The following TAFA4 variants were observed in gnomAD, a reference collection of about 807,000 sequenced individuals.
The protein encoded by TAFA4 is TAFA chemokine like family member 4.
A neutral mutation model predicts 21.1 loss-of-function variants in TAFA4; 20 were observed. The ratio of observed to expected loss-of-function variants is 0.95; its 90% CI spans 0.67 to 1.38. The LOEUF is 1.38. TAFA4 is among the 40% of genes most tolerant of loss of function. TAFA4 has a pLI of 0.00. For missense variants in TAFA4, 211 were observed against 180.9 expected (o/e 1.17, Z -0.95); for synonymous variants, 71 against 67.4 (o/e 1.05, Z -0.26).
chr3:68,790,880 C>A (rs79404207), intron 3 of TAFA4, among the ~76,000 whole-genome samples: 2 of 152,172 alleles, frequency 1.3e-5, no homozygotes, highest in South Asian at 2.1e-4. Context: ...CCTCAACATA[C>A]TTATTTCCTT....
At chr3:68,734,677 T>C (rs1363391838) in intron 5 of TAFA4, among the ~76,000 whole-genome samples, 1 of 152,026 alleles carries the variant, frequency 6.6e-6, no homozygotes, top group Non-Finnish European at 1.5e-5. Flanking sequence ...TGTGATGGGG[T>C]AGAGATTGTC....
intron 1 of TAFA4, among the ~76,000 whole-genome samples, chr3:68,908,196 A>G (rs191566617): frequency 1.3e-5 from 2 of 152,342 alleles, no homozygotes; most frequent in Admixed American, 1.3e-4. Context: ...CCATATCTAC[A>G]TCAATTTAGA....
chr3:68,879,455 C>G (rs1002470146), intron 3 of TAFA4, among the ~76,000 whole-genome samples: 1 of 152,138 alleles, frequency 6.6e-6, no homozygotes, highest in South Asian at 2.1e-4. Flanking sequence ...AAATGCTTCA[C>G]TTGTCAACTA....
chr3:68,758,972 G>T (rs1311323040), intron 3 of TAFA4, among the ~76,000 whole-genome samples: 1 of 152,212 alleles, frequency 6.6e-6, no homozygotes, highest in East Asian at 1.9e-4. Flanking sequence ...TGCAAGATGG[G>T]GACTCAGGAG....
chr3:68,931,807 T>C (rs1030035396), intron 1 of TAFA4, among the ~76,000 whole-genome samples: 2 of 152,106 alleles, frequency 1.3e-5, no homozygotes, highest in Non-Finnish European at 1.5e-5. Flanking sequence ...GGCTCCCACC[T>C]GCTTGCTCCT....
rs939655357 is a variant in TAFA4, at chr3:68,753,033, G to T, written c.131-15C>A. The T allele has an allele frequency of 6.2e-7, 1 of 1,609,454 alleles. No homozygotes were observed. The highest frequency in any genetic ancestry group is 1.3e-5 in the African/African-American group (1 of 74,762). On this transcript the variant is annotated splice_polypyrimidine_tract_variant and intron_variant, in intron 3 of 5. Coordinates refer to ENST00000295569, the MANE Select transcript of TAFA4 (RefSeq NM_182522.5). ...TTGGTGGTGACCTAGTTGGTAATGG[G>T]GGAGAAAAACAAACCCAGTGCTGTT...
chr3:68,880,702 C>G, intron 3 of TAFA4, 28 bp downstream of exon 3: 1 of 1,576,540 alleles, frequency 6.3e-7, no homozygotes, highest in Non-Finnish European at 8.7e-7. Context: ...ATTATCTCAG[C>G]AGTGCATAAT....
At chr3:68,876,581 G>T (rs1369662749) in intron 3 of TAFA4, among the ~76,000 whole-genome samples, 2 of 152,102 alleles carry the variant, frequency 1.3e-5, no homozygotes, top group Non-Finnish European at 2.9e-5. Context: ...TATTTGCAGG[G>T]TTCCTATAAA....
chr3:68,926,843 G>A (rs2090111738), intron 1 of TAFA4, among the ~76,000 whole-genome samples: 2 of 152,144 alleles, frequency 1.3e-5, no homozygotes, highest in South Asian at 2.1e-4. Context: ...CCTGGAAGGT[G>A]GAGGTTGCAG....
intron 3 of TAFA4, among the ~76,000 whole-genome samples, chr3:68,793,496 A>G (rs940122725): frequency 3.9e-5 from 6 of 152,232 alleles, no homozygotes; most frequent in Admixed American, 6.5e-5. Context: ...CGCTTATGCA[A>G]TAATTAGTCA....
chr3:68,781,536 C>T (rs1703153968), intron 3 of TAFA4, among the ~76,000 whole-genome samples: 2 of 151,922 alleles, frequency 1.3e-5, no homozygotes. Flanking sequence ...TTGAAAAATT[C>T]CTGAAAAACA....
rs764810832 is a variant in TAFA4 at position 68,739,141 on chromosome 3, A to G, written c.345T>C (p.Asp115=). 2.5e-6 allele frequency: 4 copies of G among 1,614,006 alleles called. No homozygotes were observed. The highest frequency in any genetic ancestry group is 3.4e-6 in the Non-Finnish European group (4 of 1,179,912). The change falls in exon 5 of 6, where the codon GAT becomes GAC. Residue 115 remains aspartate, a synonymous_variant. Transcript: ENST00000295569. ...CTGAGTAATCTGGCAGCACTTTACA[A>G]TCCTCTCCTTCCAAACACGGATTCA... ...CHMNPCLEGE[D]CKVLPDYSGW... is the part of the protein sequence containing the mutation.
In TAFA4 at chr3:68,738,076, A is replaced by T. The variant is rs113777776; in HGVS notation, c.411+999T>A. 3.4e-3 allele frequency among the ~76,000 whole-genome samples: 523 copies of T among 152,334 alleles called. 6 individuals are homozygous for T. Among genetic ancestry groups the T allele is most frequent in the African/African-American group, 0.011 (476 of 41,586 alleles). Reference sequence around the variant, plus strand: ...TTAAGCAAAATATGGATAGCAATCTATGTAAAATGTAACCATAATAAATGC... The same window carrying T: ...TTAAGCAAAATATGGATAGCAATCTTTGTAAAATGTAACCATAATAAATGC... On this transcript the variant is annotated intron_variant, in intron 5 of 5. Transcript: ENST00000295569.
intron 3 of TAFA4, among the ~76,000 whole-genome samples, chr3:68,806,477 A>T: frequency 6.6e-6 from 1 of 152,208 alleles, no homozygotes; most frequent in African/African-American, 2.4e-5. Context: ...GCCTTTTGTA[A>T]TAAAAGTTTT....
chr3:68,835,805 A>T (rs1704511348), intron 3 of TAFA4, among the ~76,000 whole-genome samples: 1 of 152,236 alleles, frequency 6.6e-6, no homozygotes, highest in Non-Finnish European at 1.5e-5. Flanking sequence ...GTGCTTTCTT[A>T]GTTCCCAAGC....
At chr3:68,766,096 A>G (rs1702849379) in intron 3 of TAFA4, among the ~76,000 whole-genome samples, 1 of 152,198 alleles carries the variant, frequency 6.6e-6, no homozygotes, top group Admixed American at 6.5e-5. Flanking sequence ...CAAGGAACAG[A>G]AAAGCACCTA....
intron 5 of TAFA4, among the ~76,000 whole-genome samples, chr3:68,738,101 C>T (rs1358674767): frequency 6.6e-6 from 1 of 152,010 alleles, no homozygotes; most frequent in African/African-American, 2.4e-5. Context: ...ATAATAAATG[C>T]TCAGAGATAC....
At chr3:68,783,703 G>GA (rs1266906476) in intron 3 of TAFA4, among the ~76,000 whole-genome samples, 14 of 89,454 alleles carry the variant, frequency 1.6e-4, no homozygotes, top group African/African-American at 5.0e-4. Context: ...GAGAGAGAGA[G>GA]AGAGAAAGAA....
intron 3 of TAFA4, among the ~76,000 whole-genome samples, chr3:68,862,515 A>C (rs1274920641): frequency 6.6e-6 from 1 of 152,106 alleles, no homozygotes; most frequent in Non-Finnish European, 1.5e-5. Context: ...GTTCCTGAGC[A>C]TTTCCAGTTT....
Sources: allele counts gnomAD v4.1 joint callset (sites outside exome capture counted in the v4.1 genomes callset), GRCh38; gene constraint gnomAD v4.1.1; transcripts MANE v1.5; gene names NCBI Gene and HGNC (gene_info 2026-07-23, HGNC 2026-07-21).